Variants in CLASP1 observed in about 807,000 individuals in gnomAD.
The protein encoded by CLASP1 is CLIP-associating protein 1.
In CLASP1, 38 loss-of-function variants were observed where a neutral mutation model predicts 192.3. The ratio of observed to expected loss-of-function variants is 0.20; its 90% confidence interval spans 0.15 to 0.26. The LOEUF (loss-of-function observed/expected upper bound fraction) is 0.26, where lower values mean the gene tolerates loss of function less well. Among genes scored for constraint, CLASP1 ranks in the 10% least tolerant of loss-of-function variants. The pLI, the probability that CLASP1 is intolerant of heterozygous loss-of-function variation, is 1.00. For missense variants in CLASP1, 1,433 were observed against 1,932.5 expected (o/e 0.74, Z 4.85); for synonymous variants, 691 against 712.8 (o/e 0.97, Z 0.49).
exon 40 of CLASP1, chr2:121,340,342 TC>T (rs2062660855): frequency 6.5e-6 from 1 of 152,918 alleles, no homozygotes; most frequent in Non-Finnish European, 1.5e-5. Context: ...AAGACTTGAT[TC>T]CCATTTTTAG....
intron 12 of CLASP1, 52 bp downstream of exon 12, chr2:121,459,928 C>T: frequency 6.6e-7 from 1 of 1,522,918 alleles, no homozygotes. Flanking sequence ...ATCTCTGAAG[C>T]TCTGTGGTGA....
intron 37 of CLASP1, among the ~76,000 whole-genome samples, chr2:121,355,724 A>C (rs143368702): frequency 1.3e-5 from 2 of 152,370 alleles, no homozygotes; most frequent in African/African-American, 4.8e-5. Context: ...ACAGAGAGCA[A>C]AAGTCAACAT....
At chr2:121,618,026 C>T (rs7598007) in intron 1 of CLASP1, among the ~76,000 whole-genome samples, 34,996 of 152,104 alleles carry the variant, frequency 0.23, 6,033 homozygotes, top group African/African-American at 0.48. Context: ...GACTTCAGCT[C>T]AAATGCTAGC....
At chr2:121,443,960 G>T (rs1168275538) in intron 19 of CLASP1, among the ~76,000 whole-genome samples, 1 of 152,196 alleles carries the variant, frequency 6.6e-6, no homozygotes, top group Non-Finnish European at 1.5e-5. Flanking sequence ...GCCCTTTAGG[G>T]TGACTAAATA....
intron 39 of CLASP1, among the ~76,000 whole-genome samples, chr2:121,344,558 T>C (rs930582318): frequency 5.9e-5 from 9 of 151,968 alleles, no homozygotes; most frequent in African/African-American, 2.2e-4. Context: ...CTTGAACTCC[T>C]GACCTCAGAT....
At chr2:121,478,035 T>C (rs1263338727) in intron 8 of CLASP1, among the ~76,000 whole-genome samples, 1 of 152,200 alleles carries the variant, frequency 6.6e-6, no homozygotes, top group African/African-American at 2.4e-5. Context: ...TTTAAGATAA[T>C]TTCTCAAGTA....
At chr2:121,382,412 T>TA (rs1220110293) in intron 32 of CLASP1, 88 bp from the exon 34 acceptor site, 6 of 749,800 alleles carry the variant, frequency 8.0e-6, no homozygotes, top group Non-Finnish European at 1.3e-5. Flanking sequence ...CTAAGTGTCT[T>TA]AGTCTCTTCT....
intron 28 of CLASP1, among the ~76,000 whole-genome samples, chr2:121,399,553 C>A (rs1233566057): frequency 2.6e-5 from 4 of 152,168 alleles, no homozygotes. Flanking sequence ...AACTGAGAAG[C>A]AATTCTCAGC....
intron 2 of CLASP1, among the ~76,000 whole-genome samples, chr2:121,576,566 C>G (rs1158228744): frequency 1.3e-5 from 2 of 152,154 alleles, no homozygotes; most frequent in South Asian, 2.1e-4. Context: ...ATTCCTTTCA[C>G]TGGGAATTGG....
chr2:121,538,043 CACG>C (rs1253943966), intron 2 of CLASP1, among the ~76,000 whole-genome samples: 5 of 152,198 alleles, frequency 3.3e-5, no homozygotes, highest in African/African-American at 1.2e-4. Context: ...GAGACTGGAA[CACG>C]ACAAAAATAT....
At chr2:121,471,146 C>T (rs1411318150) in intron 8 of CLASP1, among the ~76,000 whole-genome samples, 4 of 152,184 alleles carry the variant, frequency 2.6e-5, no homozygotes, top group East Asian at 3.9e-4. Flanking sequence ...TCAGATATGG[C>T]GGCGTGTGCC....
intron 25 of CLASP1, among the ~76,000 whole-genome samples, chr2:121,406,147 T>A (rs983646417): frequency 6.6e-6 from 1 of 152,214 alleles, no homozygotes; most frequent in East Asian, 1.9e-4. Flanking sequence ...TATGGTTTAA[T>A]ACGTGGCATT....
At chr2:121,577,181 T>C (rs2060606260) in intron 2 of CLASP1, among the ~76,000 whole-genome samples, 1 of 151,718 alleles carries the variant, frequency 6.6e-6, no homozygotes, top group East Asian at 1.9e-4. Flanking sequence ...ATGATGAGTA[T>C]GGAGGTTCAT....
intron 8 of CLASP1, among the ~76,000 whole-genome samples, chr2:121,476,825 C>G (rs1249628283): frequency 6.6e-6 from 1 of 152,172 alleles, no homozygotes; most frequent in Non-Finnish European, 1.5e-5. Context: ...AGCCTACTAA[C>G]TAGACTATAA....
At chr2:121,472,286 T>A (rs1401149517) in intron 8 of CLASP1, among the ~76,000 whole-genome samples, 2 of 152,242 alleles carry the variant, frequency 1.3e-5, no homozygotes, top group Non-Finnish European at 2.9e-5. Flanking sequence ...TTTGCTTGCA[T>A]CAGTGATAGA....
intron 19 of CLASP1, among the ~76,000 whole-genome samples, chr2:121,438,554 T>A (rs2082711413): frequency 2.6e-5 from 4 of 152,244 alleles, no homozygotes; most frequent in African/African-American, 9.6e-5. Flanking sequence ...TTCACATCAA[T>A]AACTAAGCCC....
At chr2:121,501,927 T>C (rs1004100764) in intron 8 of CLASP1, among the ~76,000 whole-genome samples, 3 of 152,204 alleles carry the variant, frequency 2.0e-5, no homozygotes, top group African/African-American at 7.2e-5. Flanking sequence ...ATGAATTCAG[T>C]ACTGGTTGTA....
intron 8 of CLASP1, among the ~76,000 whole-genome samples, chr2:121,487,528 T>C (rs1448128586): frequency 6.6e-6 from 1 of 152,172 alleles, no homozygotes; most frequent in Non-Finnish European, 1.5e-5. Context: ...TTATCCTGCC[T>C]CCCTAGGCTC....
chr2:121,462,789 T>C (rs554604183), intron 9 of CLASP1, among the ~76,000 whole-genome samples, 184 bp from the exon 10 acceptor site: 1 of 152,290 alleles, frequency 6.6e-6, no homozygotes, highest in Admixed American at 6.5e-5. Flanking sequence ...CATATCAAGA[T>C]GAAATATAGT....
Sources: allele counts gnomAD v4.1 joint callset (sites outside exome capture counted in the v4.1 genomes callset), GRCh38; gene constraint gnomAD v4.1.1; transcripts MANE v1.5; gene names NCBI Gene and HGNC (gene_info 2026-07-23, HGNC 2026-07-21).